COPG2: variants seen among roughly 807,000 people sequenced by gnomAD.
COPG2 encodes coatomer subunit gamma-2.
In COPG2, 37 loss-of-function variants were observed where a neutral mutation model predicts 46.3. That is an observed-to-expected ratio of 0.80 (90% CI 0.61 to 1.05). The LOEUF is 1.05. Among genes scored for constraint, COPG2 ranks in the 50% least tolerant of loss-of-function variants. The pLI, the probability that COPG2 is intolerant of heterozygous loss-of-function variation, is 0.00. For synonymous variants in COPG2, 159 were observed against 129.7 expected, an observed-to-expected ratio of 1.23 and a Z score of -1.53; for missense variants, 427 against 387.8, an observed-to-expected ratio of 1.10 and a Z score of -0.85.
intron 20 of COPG2, 150 bp from the exon 21 acceptor site, chr7:130,508,809 C>T: frequency 1.6e-6 from 1 of 616,708 alleles, no homozygotes; most frequent in Non-Finnish European, 2.9e-6. Flanking sequence ...AAGCAGCCTA[C>T]AAGCGGGTCA....
rs1193706365 is a variant in COPG2 at position 130,586,624 on chromosome 7, G to A, written c.738-22231C>T. Among the ~76,000 whole-genome samples, 12 of 151,838 alleles carry A rather than the reference G, an allele frequency of 7.9e-5. 1 individual carries two copies. The highest frequency in any genetic ancestry group is 1.6e-4 in the Non-Finnish European group (11 of 67,948). ...ACTACAGGCACCCGCCACCACGCCG[G>A]GCTAATTTTTTGGATTTTTAGTAGA... On this transcript the variant is annotated intron_variant, in intron 9 of 23. Coordinates refer to ENST00000425248, the MANE Select transcript of COPG2 (RefSeq NM_012133.6).
intron 12 of COPG2, among the ~76,000 whole-genome samples, chr7:130,558,382 T>C (rs933611911): frequency 2.6e-5 from 4 of 152,130 alleles, no homozygotes; most frequent in Non-Finnish European, 5.9e-5. Context: ...TGCTCCTGTT[T>C]TGCCTTCCAC....
chr7:130,515,235 G>A (rs1183022177), intron 20 of COPG2, among the ~76,000 whole-genome samples: 1 of 152,154 alleles, frequency 6.6e-6, no homozygotes, highest in Non-Finnish European at 1.5e-5. Context: ...GGTTCCACAG[G>A]CTGTACAGGA....
chr7:130,635,028 G>A (rs1449725192), intron 5 of COPG2, among the ~76,000 whole-genome samples: 1 of 150,440 alleles, frequency 6.6e-6, no homozygotes, highest in East Asian at 1.9e-4. Flanking sequence ...ATTTGTGTAT[G>A]CTGAACCAGC....
At chr7:130,561,568 G>A (rs1793721466) in intron 11 of COPG2, among the ~76,000 whole-genome samples, 1 of 152,026 alleles carries the variant, frequency 6.6e-6, no homozygotes, top group South Asian at 2.1e-4. Context: ...ATAGTAGTCA[G>A]TGCTCGACAA....
chr7:130,611,360 C>T (rs1373357812), intron 8 of COPG2, among the ~76,000 whole-genome samples: 3 of 152,126 alleles, frequency 2.0e-5, no homozygotes, highest in Admixed American at 2.0e-4. Context: ...CTGAAGATGG[C>T]TCTAGCAGGC....
chr7:130,531,403 C>A (rs935370850), intron 20 of COPG2, among the ~76,000 whole-genome samples: 2 of 151,952 alleles, frequency 1.3e-5, no homozygotes, highest in Non-Finnish European at 2.9e-5. Flanking sequence ...TTATGTGGAT[C>A]AAAAGGGAAG....
intron 20 of COPG2, among the ~76,000 whole-genome samples, chr7:130,521,493 A>G (rs1799723674): frequency 6.6e-6 from 1 of 152,208 alleles, no homozygotes; most frequent in African/African-American, 2.4e-5. Context: ...CAGGAGTGAC[A>G]CACAGTGTAT....
intron 23 of COPG2, 57 bp downstream of exon 23, chr7:130,507,217 A>G: frequency 1.3e-6 from 1 of 777,754 alleles, no homozygotes; most frequent in Non-Finnish European, 2.4e-6. Flanking sequence ...GCCCATCTAT[A>G]TCCTATTATT....
chr7:130,592,052 AC>A (rs1422048034), intron 9 of COPG2, among the ~76,000 whole-genome samples: 1 of 152,184 alleles, frequency 6.6e-6, no homozygotes, highest in East Asian at 1.9e-4. Flanking sequence ...TTTGTTCTGT[AC>A]TAACAAAAAA....
At chr7:130,577,111 A>C (rs926233460) in intron 9 of COPG2, among the ~76,000 whole-genome samples, 37 of 152,234 alleles carry the variant, frequency 2.4e-4, no homozygotes, top group African/African-American at 8.2e-4. Flanking sequence ...CGAGATTGAA[A>C]TGGTAATTTA....
At chr7:130,511,640 C>G (rs543156103) in intron 20 of COPG2, 2 of 516,218 alleles carry the variant, frequency 3.9e-6, no homozygotes, top group African/African-American at 3.9e-5. Flanking sequence ...ATTGCTGGGC[C>G]AAAAGTCATA....
chr7:130,637,543 G>A (rs1554456531), intron 5 of COPG2, among the ~76,000 whole-genome samples: 1 of 151,922 alleles, frequency 6.6e-6, no homozygotes, highest in African/African-American at 2.4e-5. Context: ...TATGCTTCAC[G>A]ATGTTCTCAT....
chr7:130,551,019 A>C (rs1793528892), intron 16 of COPG2, among the ~76,000 whole-genome samples: 1 of 152,196 alleles, frequency 6.6e-6, no homozygotes, highest in Non-Finnish European at 1.5e-5. Flanking sequence ...GTTCCTAAAA[A>C]ATGTAAGGGC....
chr7:130,568,490 C>G (rs1793841970), intron 9 of COPG2, among the ~76,000 whole-genome samples: 1 of 152,088 alleles, frequency 6.6e-6, no homozygotes, highest in Non-Finnish European at 1.5e-5. Context: ...GATAAAAGCA[C>G]TAGTCCAACA....
At chr7:130,651,673 C>T (rs577844859) in intron 5 of COPG2, among the ~76,000 whole-genome samples, 148 of 151,362 alleles carry the variant, frequency 9.8e-4, no homozygotes, top group African/African-American at 3.2e-3. Context: ...CCCGCCACCG[C>T]GCCCGGCTAA....
chr7:130,635,464 T>C lies in COPG2; in HGVS notation c.323+17405A>G, dbSNP rs150031052. Among the ~76,000 whole-genome samples, 628 of 152,300 alleles carry C rather than the reference T, an allele frequency of 4.1e-3. 35 individuals carry two copies. The East Asian group carries it at 0.11, about 26-fold the overall frequency. On this transcript the variant is annotated intron_variant, in intron 5 of 23. Transcript: ENST00000425248. ...GAGGGTGTGTGTGTCCAGGAATTTA[T>C]CCATTTCTTCTAGGTTTTCTAGTTT...
chr7:130,646,450 T>C (rs1444287374), intron 5 of COPG2, among the ~76,000 whole-genome samples: 1 of 151,990 alleles, frequency 6.6e-6, no homozygotes, highest in Non-Finnish European at 1.5e-5. Flanking sequence ...TTTGTTCTTG[T>C]TTCAATTTTA....
At chr7:130,612,103 T>A (rs1554452168) in intron 8 of COPG2, 49 bp downstream of exon 8, 1 of 1,358,794 alleles carries the variant, frequency 7.4e-7, no homozygotes, top group African/African-American at 1.4e-5. Flanking sequence ...CAATACAGGT[T>A]TAAAGAATGC....
Sources: allele counts gnomAD v4.1 joint callset (sites outside exome capture counted in the v4.1 genomes callset), GRCh38; gene constraint gnomAD v4.1.1; transcripts MANE v1.5; gene names NCBI Gene and HGNC (gene_info 2026-07-23, HGNC 2026-07-21).